The following ANKRD30A variants were observed in gnomAD, a reference collection of about 807,000 sequenced individuals.
ANKRD30A encodes the protein ankyrin repeat domain 30A, also known as ankyrin repeat domain-containing protein 30A.
In ANKRD30A, 170 loss-of-function variants were observed where a neutral mutation model predicts 166.3. The ratio of observed to expected loss-of-function variants is 1.02; its 90% CI spans 0.90 to 1.16. The LOEUF is 1.16. Among genes scored for constraint, ANKRD30A ranks in the 50% most tolerant of loss-of-function variants. ANKRD30A has a pLI of 0.00. For synonymous variants in ANKRD30A, 564 were observed against 508.9 expected (o/e 1.11, Z -1.46); for missense variants, 1,630 against 1,518.0 (o/e 1.07, Z -1.23).
chr10:37,162,812 G>T lies in ANKRD30A; in HGVS notation c.1966G>T (p.Ala656Ser), dbSNP rs752992785. 1 of 1,613,464 alleles carries T rather than the reference G, an allele frequency of 6.2e-7. No individual in the cohort carries two copies. The highest frequency in any genetic ancestry group is 2.2e-5 in the East Asian group (1 of 44,860). ...TEMQKSVPNK[A>S]LELKNEQTLR... is the part of the protein sequence containing the mutation. ...AATGCAAAAGTCTGTCCCAAATAAA[G>T]CCTTGGAATTGAAAAATGAACAAAC... Residue 656 changes from alanine (A) to serine (S), a missense_variant, in exon 17 of 36, where the codon GCC (alanine) becomes TCC (serine). Physicochemically the swap from Ala to Ser is moderately conservative, Grantham distance 99. This residue lies in a region of ANKRD30A where 904 missense variants were observed against 818.5 expected (regional missense o/e 1.10). Coordinates refer to ENST00000361713, the MANE Select transcript of ANKRD30A (RefSeq NM_052997.3).
chr10:37,227,005 A>G (rs74729980), intron 34 of ANKRD30A, among the ~76,000 whole-genome samples: 1,973 of 151,946 alleles, frequency 0.013, 49 homozygotes, highest in African/African-American at 0.046. Context: ...CCCATTTTCT[A>G]ATTGGGCCAT....
At chr10:37,128,781 A>G (rs1281926691) in intron 1 of ANKRD30A, among the ~76,000 whole-genome samples, 1 of 152,098 alleles carries the variant, frequency 6.6e-6, no homozygotes, top group African/African-American at 2.4e-5. Flanking sequence ...TTGGAGTATT[A>G]GGACTGAATC....
At chr10:37,224,327 TAAC>T (rs1481797187) in intron 34 of ANKRD30A, among the ~76,000 whole-genome samples, 1 of 151,174 alleles carries the variant, frequency 6.6e-6, no homozygotes, top group Non-Finnish European at 1.5e-5. Flanking sequence ...TTATCTTGAT[TAAC>T]GTTTCTTTTA....
At chr10:37,265,113 C>T in the ANKRD30A span, among the ~76,000 whole-genome samples, 5 of 152,110 alleles carry the variant, frequency 3.3e-5, no homozygotes, top group African/African-American at 7.2e-5. Flanking sequence ...CTCATTGTTC[C>T]GTCTCTTTGA....
chr10:37,155,134 T>C (rs1838265750), intron 13 of ANKRD30A, among the ~76,000 whole-genome samples: 1 of 152,176 alleles, frequency 6.6e-6, no homozygotes, highest in Non-Finnish European at 1.5e-5. Flanking sequence ...TAAATTGTTG[T>C]TATTCATAGG....
At chr10:37,192,748 C>G (rs1588888761) in intron 25 of ANKRD30A, among the ~76,000 whole-genome samples, 1 of 152,152 alleles carries the variant, frequency 6.6e-6, no homozygotes, top group Admixed American at 6.5e-5. Flanking sequence ...TTAAATACAA[C>G]TTCTTTCCTT....
intron 13 of ANKRD30A, among the ~76,000 whole-genome samples, chr10:37,156,078 C>CAA (rs35340454): frequency 4.9e-4 from 65 of 132,294 alleles, no homozygotes; most frequent in African/African-American, 1.0e-3. Context: ...GATACGCTAT[C>CAA]AAAAAAAAAA....
intron 25 of ANKRD30A, 113 bp downstream of exon 25, chr10:37,189,670 A>G (rs1840367468): frequency 1.8e-6 from 1 of 566,742 alleles, no homozygotes; most frequent in African/African-American, 2.0e-5. Flanking sequence ...AAACCATGGA[A>G]AAAAAGAGAA....
chr10:37,253,787 A>G, the ANKRD30A span, among the ~76,000 whole-genome samples: 1 of 151,748 alleles, frequency 6.6e-6, no homozygotes, highest in Non-Finnish European at 1.5e-5. Context: ...AGCTGGGACC[A>G]CAGGTGCCCG....
intron 25 of ANKRD30A, among the ~76,000 whole-genome samples, chr10:37,190,127 T>C (rs71489109): frequency 0.025 from 3,778 of 151,886 alleles, 89 homozygotes; most frequent in Non-Finnish European, 0.038. Context: ...CATATCTGCA[T>C]GGCCACACAT....
intron 31 of ANKRD30A, among the ~76,000 whole-genome samples, chr10:37,210,354 C>T (rs1362606744): frequency 6.6e-6 from 1 of 152,098 alleles, no homozygotes; most frequent in African/African-American, 2.4e-5. Flanking sequence ...TTTCTTTATC[C>T]AATGTCTATC....
the ANKRD30A span, among the ~76,000 whole-genome samples, chr10:37,249,108 C>G: frequency 6.6e-6 from 1 of 152,134 alleles, no homozygotes; most frequent in Non-Finnish European, 1.5e-5. Flanking sequence ...CTCTCTAGGT[C>G]TCAGTGAGAG....
chr10:37,220,030 A>ATAG, intron 34 of ANKRD30A, 133 bp downstream of exon 34: 1 of 147,434 alleles, frequency 6.8e-6, no homozygotes, highest in Non-Finnish European at 1.2e-5. Flanking sequence ...TATATATATA[A>ATAG]TATATGTATG....
chr10:37,191,892 G>T (rs974595537), intron 25 of ANKRD30A, among the ~76,000 whole-genome samples: 1 of 151,972 alleles, frequency 6.6e-6, no homozygotes, highest in East Asian at 1.9e-4. Flanking sequence ...CTACTCCGGA[G>T]GCTGAGACAA....
intron 29 of ANKRD30A, among the ~76,000 whole-genome samples, chr10:37,198,795 G>A (rs528833345): frequency 7.2e-5 from 11 of 152,174 alleles, no homozygotes; most frequent in Admixed American, 5.9e-4. Flanking sequence ...AATGATATAC[G>A]TACCCTTAAT....
chr10:37,260,165 G>GA, the ANKRD30A span, among the ~76,000 whole-genome samples: 18 of 151,200 alleles, frequency 1.2e-4, no homozygotes, highest in South Asian at 3.4e-3. Context: ...AACTAAAAAA[G>GA]AAAAAATAGT....
At chr10:37,183,358 A>T (rs1368075460) in intron 24 of ANKRD30A, among the ~76,000 whole-genome samples, 1 of 145,184 alleles carries the variant, frequency 6.9e-6, no homozygotes, top group Non-Finnish European at 1.5e-5. Context: ...CCCCCGGTGT[A>T]TTTGTTGAAC....
Position 37,167,018 on chromosome 10 carries a change from C to A in ANKRD30A, c.2155+323C>A, listed in dbSNP as rs187964247. On this transcript the variant is annotated intron_variant, in intron 19 of 35. Transcript: ENST00000361713. ...AGCATACAGAGAGTACATGAAGGAA[C>A]AAGAAGCAGGTTTATGTAATGGAGG... Among the ~76,000 whole-genome samples, 336 of 152,028 alleles carry A rather than the reference C, an allele frequency of 2.2e-3. 3 individuals carry two copies. The highest frequency in any genetic ancestry group is 7.7e-3 in the African/African-American group (317 of 41,426).
chr10:37,216,209 T>C lies in ANKRD30A; in HGVS notation c.2898T>C (p.Asp966=). 6.2e-7 allele frequency: 1 copy of C among 1,604,552 alleles called. No individual in the cohort carries two copies. Among genetic ancestry groups the C allele is most frequent in the Non-Finnish European group, 8.5e-7 (1 of 1,173,572 alleles). The change falls in exon 32 of 36, where the codon GAT becomes GAC. Residue 966 remains aspartate (D), a synonymous_variant. Coordinates refer to ENST00000361713, the MANE Select transcript of ANKRD30A (RefSeq NM_052997.3). Reference sequence around the variant, plus strand: ...CAACTAGCCTATCAAAAATCTTGGATACAGTTCATTCTTGTGAAAGAGCAA... The same window carrying C: ...CAACTAGCCTATCAAAAATCTTGGACACAGTTCATTCTTGTGAAAGAGCAA... ...EDSTSLSKIL[D]TVHSCERARE...
Sources: gnomAD v4.1 joint callset for allele counts (sites outside exome capture counted in the v4.1 genomes callset) on GRCh38, gnomAD v4.1.1 for gene constraint, gnomAD v4.1.1 regional missense constraint, MANE v1.5 for transcripts, NCBI Gene and HGNC (gene_info 2026-07-23, HGNC 2026-07-21) for gene names.